PMPCB: variants seen among roughly 807,000 people sequenced by gnomAD.
The protein encoded by PMPCB is mitochondrial-processing peptidase subunit beta.
A neutral mutation model predicts 61.5 loss-of-function variants in PMPCB; 46 were observed. The ratio of observed to expected loss-of-function variants is 0.75; its 90% CI spans 0.59 to 0.96. The LOEUF (loss-of-function observed/expected upper bound fraction) is 0.96, where lower values mean the gene tolerates loss of function less well. Ranked by LOEUF, PMPCB falls within the 40% of genes least tolerant of loss-of-function variation. The pLI is 0.00. For synonymous variants in PMPCB, 191 were observed against 201.6 expected, an observed-to-expected ratio of 0.95 and a Z score of 0.44; for missense variants, 590 against 602.4, an observed-to-expected ratio of 0.98 and a Z score of 0.22.
chr7:103,301,578 T>C (rs1817451826), intron 4 of PMPCB, among the ~76,000 whole-genome samples: 1 of 152,166 alleles, frequency 6.6e-6, no homozygotes, highest in Non-Finnish European at 1.5e-5. Flanking sequence ...TCCTGGCATC[T>C]AGCTGGGAAC....
At chr7:103,298,015 A>T (rs1368643925) in intron 1 of PMPCB, 1 of 962,218 alleles carries the variant, frequency 1.0e-6, no homozygotes, top group African/African-American at 1.8e-5. Context: ...AAGCAAAGGG[A>T]TGTGAGACTT....
intron 9 of PMPCB, chr7:103,311,252 T>G (rs1433203540): frequency 1.1e-5 from 2 of 176,474 alleles, no homozygotes; most frequent in Non-Finnish European, 2.4e-5. Flanking sequence ...TCTAGTCAAC[T>G]AGGATGTAAT....
At chr7:103,297,626 TCGGCGCCACAGATC>T (rs1817321437) in intron 1 of PMPCB, 68 bp downstream of exon 1, 4 of 1,598,066 alleles carry the variant, frequency 2.5e-6, no homozygotes, top group Non-Finnish European at 3.4e-6. Flanking sequence ...CACCTGAGAG[TCGGCGCCACAGATC>T]CGAACAGTGG....
chr7:103,312,602 T>C lies in PMPCB; in HGVS notation c.*331T>C, dbSNP rs756968406. 3.1e-6 allele frequency: 5 copies of C among 1,613,724 alleles called. No homozygotes were observed. Among genetic ancestry groups the C allele is most frequent in the Non-Finnish European group, 4.2e-6 (5 of 1,179,860 alleles). On this transcript the variant is annotated 3_prime_UTR_variant, in exon 13 of 13. Coordinates refer to ENST00000249269, the MANE Select transcript of PMPCB (RefSeq NM_004279.3). ...TGGCTCTACTTGCATTCAGCACTTG[T>C]TCTTGAGCAGCTTTCTTTGCTTTTA...
intron 12 of PMPCB, chr7:103,327,284 G>GA (rs749664223): frequency 0.074 from 57,653 of 781,402 alleles, no homozygotes; most frequent in South Asian, 0.085. Flanking sequence ...CATCTGAAAC[G>GA]AAAAAAAAAA....
intron 12 of PMPCB, chr7:103,324,394 C>G (rs2115906415): frequency 8.5e-7 from 1 of 1,179,718 alleles, no homozygotes; most frequent in Non-Finnish European, 1.1e-6. Context: ...ATTTGTCCAT[C>G]TGAATTAATT....
chr7:103,305,241 A>G (rs1311068323), intron 6 of PMPCB, among the ~76,000 whole-genome samples: 1 of 152,344 alleles, frequency 6.6e-6, no homozygotes, highest in African/African-American at 2.4e-5. Context: ...ATAGGGAGCC[A>G]TAAGAATGTT....
At chr7:103,330,640 CAG>C (rs1423726309), downstream of PMPCB, among the ~76,000 whole-genome samples, 6 of 151,848 alleles carry the variant, frequency 4.0e-5, no homozygotes, top group South Asian at 2.1e-4. Context: ...TTAGTAGAGA[CAG>C]GGTTTCACCA....
Position 103,312,243 on chromosome 7 carries a change from G to T in PMPCB, c.1442G>T (p.Arg481Leu), listed in dbSNP as rs530790514. The T allele has an allele frequency of 6.2e-7, 1 of 1,612,288 alleles. No homozygotes were observed. Among genetic ancestry groups the T allele is most frequent in the Non-Finnish European group, 8.5e-7 (1 of 1,179,852 alleles). The change falls in exon 13 of 13, where the codon CGC becomes CTC. Residue 481 changes from arginine to leucine, a missense_variant. By Grantham distance (102) the Arg-to-Leu change is moderately radical (BLOSUM62 -2). Coordinates refer to ENST00000249269, the MANE Select transcript of PMPCB (RefSeq NM_004279.3). ...CAACTACCAGATTTTAAACAGATAC[G>T]CAGTAACATGTGTTGGCTTCGTGAT... ...IKQLPDFKQI[R>L]SNMCWLRD is the part of the protein sequence containing the mutation.
intron 2 of PMPCB, among the ~76,000 whole-genome samples, chr7:103,299,121 A>G (rs1305033352): frequency 1.3e-5 from 2 of 152,234 alleles, no homozygotes; most frequent in African/African-American, 4.8e-5. Flanking sequence ...CTCAGCTAAT[A>G]CATGACAGAG....
At chr7:103,342,341 T>TA in the PMPCB span, among the ~76,000 whole-genome samples, 7 of 152,066 alleles carry the variant, frequency 4.6e-5, no homozygotes, top group African/African-American at 9.7e-5. Flanking sequence ...GTTTTGCTCT[T>TA]ACTGCCCAGG....
chr7:103,344,349 G>A, the PMPCB span: 1 of 596,728 alleles, frequency 1.7e-6, no homozygotes, highest in Non-Finnish European at 3.0e-6. Flanking sequence ...AACGGTAGGA[G>A]CAAAAGGAAG....
intron 12 of PMPCB, chr7:103,327,903 T>C (rs1298096374): frequency 7.3e-6 from 4 of 549,918 alleles, no homozygotes; most frequent in East Asian, 3.1e-5. Flanking sequence ...GTGAAAATTA[T>C]AGAGAAACTG....
chr7:103,337,815 GAA>G, the PMPCB span: 26 of 1,605,758 alleles, frequency 1.6e-5, no homozygotes, highest in Non-Finnish European at 2.2e-5. Flanking sequence ...CTTGGTTCTG[GAA>G]AAAAAACACA....
intron 12 of PMPCB, chr7:103,326,474 C>G: frequency 6.8e-7 from 1 of 1,477,534 alleles, no homozygotes; most frequent in Non-Finnish European, 9.4e-7. Context: ...AGGGAAAGAG[C>G]AGAAACCTGG....
chr7:103,297,578 G>A lies in PMPCB; in HGVS notation c.99+20G>A. ...GGACGGGTGAGCTTCCCTCCAGGCC[G>A]GTCCTGTCCTCGAGATCTCGCCAGA... On this transcript the variant is annotated intron_variant, in intron 1 of 12. Coordinates refer to ENST00000249269, the MANE Select transcript of PMPCB (RefSeq NM_004279.3). The A allele has an allele frequency of 6.2e-7, 1 of 1,612,030 alleles. No individual in the cohort carries two copies. The highest frequency in any genetic ancestry group is 8.5e-7 in the Non-Finnish European group (1 of 1,178,962).
At chr7:103,298,491 T>A in intron 1 of PMPCB, 77 bp from the exon 2 acceptor site, 1 of 1,381,686 alleles carries the variant, frequency 7.2e-7, no homozygotes, top group African/African-American at 1.5e-5. Flanking sequence ...AAAATAGATT[T>A]GGTTTTAAAA....
chr7:103,339,604 GTT>G, the PMPCB span, among the ~76,000 whole-genome samples: 5 of 143,910 alleles, frequency 3.5e-5, no homozygotes, highest in Admixed American at 7.0e-5. Flanking sequence ...AAATCCAATG[GTT>G]TTTTTTTTTT....
In PMPCB at chr7:103,297,482, T is replaced by C. The variant is rs773607958; in HGVS notation, c.23T>C (p.Val8Ala). The C allele has an allele frequency of 1.3e-6, 2 of 1,550,020 alleles. No homozygotes were observed. The highest frequency in any genetic ancestry group is 2.5e-5 in the South Asian group (2 of 81,608). ...GAAATGGCGGCTGCGGCGGCTCGAG[T>C]GGTGTTGTCATCCGCGGCGCGGCGG... MAAAAAR[V>A]VLSSAARRRL... Residue 8 changes from valine to alanine, a missense_variant, in exon 1 of 13, where the codon GTG becomes GCG. Val to Ala is a moderately conservative substitution (Grantham distance 64). Coordinates refer to ENST00000249269, the MANE Select transcript of PMPCB (RefSeq NM_004279.3).
Sources: gnomAD v4.1 joint callset for allele counts (sites outside exome capture counted in the v4.1 genomes callset) on GRCh38, gnomAD v4.1.1 for gene constraint, MANE v1.5 for transcripts, NCBI Gene and HGNC (gene_info 2026-07-23, HGNC 2026-07-21) for gene names.